CNNM2: variants seen among roughly 807,000 people sequenced by gnomAD.
The protein encoded by CNNM2 is metal transporter CNNM2.
A neutral mutation model predicts 66.9 loss-of-function variants in CNNM2; 12 were observed. The observed-to-expected ratio is 0.18, with a 90% CI of 0.11 to 0.29. The LOEUF is 0.29. Ranked by LOEUF, CNNM2 falls within the 10% of genes least tolerant of loss-of-function variation. The probability of loss-of-function intolerance (pLI) is 1.00; values close to 1 mark genes in which losing one functional copy is unlikely to be tolerated. For missense variants in CNNM2, 705 were observed against 1,167.7 expected, an observed-to-expected ratio of 0.60 and a Z score of 5.77; for synonymous variants, 557 against 501.8, an observed-to-expected ratio of 1.11 and a Z score of -1.47.
intron 1 of CNNM2, among the ~76,000 whole-genome samples, chr10:103,006,364 G>A (rs940088858): frequency 6.6e-5 from 10 of 151,750 alleles, no homozygotes; most frequent in African/African-American, 1.5e-4. Flanking sequence ...CTGCTGCCAC[G>A]CCCAGCTAAT....
At chr10:102,965,639 C>A (rs1413374760) in intron 1 of CNNM2, among the ~76,000 whole-genome samples, 1 of 152,138 alleles carries the variant, frequency 6.6e-6, no homozygotes, top group East Asian at 1.9e-4. Flanking sequence ...CTTGAGTCAG[C>A]GTCTTTATCC....
At chr10:102,927,551 G>A (rs1845914011) in intron 1 of CNNM2, 2 of 1,235,390 alleles carry the variant, frequency 1.6e-6, no homozygotes, top group Non-Finnish European at 2.2e-6. Context: ...CTTGAGGTCA[G>A]GAGTTCCAGA....
chr10:103,020,218 C>T (rs1211306731), intron 1 of CNNM2, among the ~76,000 whole-genome samples: 3 of 151,558 alleles, frequency 2.0e-5, no homozygotes, highest in East Asian at 1.9e-4. Flanking sequence ...TGCAATGGTG[C>T]GATCTCAGCT....
intron 1 of CNNM2, among the ~76,000 whole-genome samples, chr10:103,048,185 G>T (rs982073441): frequency 1.1e-4 from 17 of 149,124 alleles, no homozygotes; most frequent in African/African-American, 1.7e-4. Context: ...AAAGGGCTGG[G>T]ATTACAAATG....
chr10:102,955,097 T>C (rs897516267), intron 1 of CNNM2, among the ~76,000 whole-genome samples: 2 of 152,144 alleles, frequency 1.3e-5, no homozygotes, highest in African/African-American at 4.8e-5. Context: ...AGAACAAAGC[T>C]GGAGGCGTCA....
intron 4 of CNNM2, among the ~76,000 whole-genome samples, chr10:103,062,977 C>T (rs750746432): frequency 3.9e-5 from 6 of 152,158 alleles, no homozygotes; most frequent in Non-Finnish European, 7.3e-5. Context: ...TGAGATGCTG[C>T]GTTACCAGCA....
At chr10:102,929,985 T>C (rs1207450583) in intron 1 of CNNM2, among the ~76,000 whole-genome samples, 1 of 152,234 alleles carries the variant, frequency 6.6e-6, no homozygotes, top group Non-Finnish European at 1.5e-5. Context: ...GGAAGGCAAC[T>C]GGGTGTCATA....
intron 1 of CNNM2, among the ~76,000 whole-genome samples, chr10:102,936,921 G>GA (rs763094406): frequency 3.7e-4 from 56 of 152,192 alleles, no homozygotes; most frequent in Non-Finnish European, 6.6e-4. Flanking sequence ...GTATTTAGAT[G>GA]AAACTCACAG....
At chr10:102,983,863 T>A (rs2063755966) in intron 1 of CNNM2, among the ~76,000 whole-genome samples, 2 of 152,068 alleles carry the variant, frequency 1.3e-5, no homozygotes, top group South Asian at 4.1e-4. Context: ...CCTCCCAGGT[T>A]TGAGCGATCC....
chr10:102,956,442 C>A (rs193083355), intron 1 of CNNM2, among the ~76,000 whole-genome samples: 1 of 152,236 alleles, frequency 6.6e-6, no homozygotes, highest in African/African-American at 2.4e-5. Context: ...ACTAGAAATA[C>A]CGTTTGACCC....
chr10:102,993,873 G>A (rs1296330529), intron 1 of CNNM2, among the ~76,000 whole-genome samples: 1 of 152,074 alleles, frequency 6.6e-6, no homozygotes, highest in Non-Finnish European at 1.5e-5. Flanking sequence ...CAGATTCTTT[G>A]TGGTCTACTC....
chr10:102,946,277 A>G (rs1245356011), intron 1 of CNNM2, among the ~76,000 whole-genome samples: 2 of 152,172 alleles, frequency 1.3e-5, no homozygotes, highest in Admixed American at 6.5e-5. Flanking sequence ...AGGGACCAAT[A>G]CTGGGAAAGG....
intron 1 of CNNM2, among the ~76,000 whole-genome samples, chr10:102,994,602 A>G (rs1002099818): frequency 1.3e-4 from 20 of 152,232 alleles, no homozygotes; most frequent in Middle Eastern, 3.2e-3. Flanking sequence ...ACCAACCCAG[A>G]ACCACATGAC....
intron 1 of CNNM2, among the ~76,000 whole-genome samples, chr10:103,002,086 G>A (rs113743764): frequency 2.2e-3 from 342 of 152,258 alleles, no homozygotes; most frequent in African/African-American, 7.7e-3. Context: ...AGCTTTCTTA[G>A]ATATGACACC....
chr10:103,010,829 T>A (rs2064328256), intron 1 of CNNM2, among the ~76,000 whole-genome samples: 1 of 152,042 alleles, frequency 6.6e-6, no homozygotes. Flanking sequence ...GCCAGCCTGG[T>A]CTTGAAATCC....
At position 103,050,343 on chromosome 10, in the gene CNNM2, C is replaced by G. The variant is rs116986821; in HGVS notation, c.1765+493C>G. ...GGTCAGGAGTTCGAGACTAGCCTGG[C>G]CGACATGGTGAAACCTTGTCTTTAC... On this transcript the variant is annotated intron_variant, in intron 2 of 7. Coordinates refer to ENST00000369878, the MANE Select transcript of CNNM2 (RefSeq NM_017649.5). Among the ~76,000 whole-genome samples the G allele has an allele frequency of 0.021, 3,209 of 152,108 alleles. 83 individuals carry two copies. The highest frequency in any genetic ancestry group is 0.074 in the East Asian group (381 of 5,164).
chr10:102,968,837 G>T (rs1219063151), intron 1 of CNNM2, among the ~76,000 whole-genome samples: 2 of 151,058 alleles, frequency 1.3e-5, no homozygotes, highest in African/African-American at 4.9e-5. Flanking sequence ...CTGGGCTCAA[G>T]CAATATTCTT....
chr10:103,048,167 C>T lies in CNNM2; in HGVS notation c.1622-1540C>T, dbSNP rs1437149344. Reference sequence around the variant, plus strand: ...CTTGAACTCCTGACTTCAAGTGATCCGCCTCCCAAAGGGCTGGGATTACAA... The same window carrying T: ...CTTGAACTCCTGACTTCAAGTGATCTGCCTCCCAAAGGGCTGGGATTACAA... On this transcript the variant is annotated intron_variant, in intron 1 of 7. Transcript: ENST00000369878. 4.7e-5 allele frequency among the ~76,000 whole-genome samples: 7 copies of T among 149,314 alleles called. No homozygotes were observed. The East Asian group carries it at 6.0e-4, about 13-fold the overall frequency.
chr10:103,041,193 T>C (rs1262762980), intron 1 of CNNM2, among the ~76,000 whole-genome samples: 1 of 152,114 alleles, frequency 6.6e-6, no homozygotes, highest in Non-Finnish European at 1.5e-5. Context: ...GTCTTCCGCC[T>C]CACCCACCCC....
Sources: allele counts gnomAD v4.1 joint callset (sites outside exome capture counted in the v4.1 genomes callset), GRCh38; gene constraint gnomAD v4.1.1; transcripts MANE v1.5; gene names NCBI Gene and HGNC (gene_info 2026-07-23, HGNC 2026-07-21).